CA10: variants seen among roughly 807,000 people sequenced by gnomAD.
The protein encoded by CA10 is carbonic anhydrase 10 (inactive).
In CA10, 14 loss-of-function variants were observed where a neutral mutation model predicts 44.2. That is an observed-to-expected ratio of 0.32 (90% CI 0.21 to 0.50). CA10 has a LOEUF of 0.50. Ranked by LOEUF, CA10 falls within the 20% of genes least tolerant of loss-of-function variation. The probability of loss-of-function intolerance (pLI) is 0.99; values close to 1 mark genes in which losing one functional copy is unlikely to be tolerated. For missense variants in CA10, 350 were observed against 409.7 expected (o/e 0.85, Z 1.26); for synonymous variants, 159 against 141.6 (o/e 1.12, Z -0.87).
chr17:52,157,185 A>T (rs1380649269), intron 1 of CA10, among the ~76,000 whole-genome samples: 1 of 152,182 alleles, frequency 6.6e-6, no homozygotes, highest in Non-Finnish European at 1.5e-5. Context: ...AGGGTGTGTC[A>T]GCAGGTTTCA....
chr17:51,814,772 A>G (rs568618474), intron 3 of CA10, among the ~76,000 whole-genome samples: 1 of 152,204 alleles, frequency 6.6e-6, no homozygotes, highest in South Asian at 2.1e-4. Flanking sequence ...AAATTTAACA[A>G]CCTTTTTTGT....
At position 51,630,774 on chromosome 17, in the gene CA10, TAACTCGTTA is replaced by T. The variant is rs1912534353; in HGVS notation, c.*801_*809del. On this transcript the variant is annotated 3_prime_UTR_variant, in exon 9 of 9. Coordinates refer to ENST00000451037, the MANE Select transcript of CA10 (RefSeq NM_020178.5). The stretch of plus-strand genomic sequence containing the variant: ...CAGACCAAAGCCAGAAAAATGAAAT[TAACTCGTTA>T]AACACATTTATTGAGCTGGTAACAA... 2 of 152,612 alleles carry T rather than the reference TAACTCGTTA, an allele frequency of 1.3e-5. No homozygotes were observed. The highest frequency in any genetic ancestry group is 4.1e-4 in the South Asian group (2 of 4,820). The allele number at this position is 152,612 out of a possible 1,614,324, so 9.5% of individuals were successfully genotyped here. A position where few individuals can be genotyped will look rare whatever the true frequency, so the allele number is the denominator to read the frequency against.
At chr17:51,908,418 T>C (rs1981652068) in intron 3 of CA10, among the ~76,000 whole-genome samples, 1 of 152,132 alleles carries the variant, frequency 6.6e-6, no homozygotes, top group East Asian at 1.9e-4. Flanking sequence ...TTTAACAAAT[T>C]TTGAGTGTGT....
At chr17:51,645,367 G>C (rs1302348405) in intron 6 of CA10, among the ~76,000 whole-genome samples, 5 of 152,150 alleles carry the variant, frequency 3.3e-5, no homozygotes, top group African/African-American at 1.2e-4. Flanking sequence ...ACCCCCTCTA[G>C]AATTAATCTC....
chr17:51,875,631 AC>A (rs1250913889), intron 3 of CA10, among the ~76,000 whole-genome samples: 1 of 152,046 alleles, frequency 6.6e-6, no homozygotes, highest in Non-Finnish European at 1.5e-5. Context: ...TTGTGTTTTT[AC>A]TTATTTTTAA....
At chr17:51,828,306 G>A (rs1908106827) in intron 3 of CA10, among the ~76,000 whole-genome samples, 1 of 152,080 alleles carries the variant, frequency 6.6e-6, no homozygotes, top group African/African-American at 2.4e-5. Flanking sequence ...TCTTCTCTCT[G>A]AAGTCTCCCA....
chr17:51,688,755 C>A (rs1410673611), intron 4 of CA10, among the ~76,000 whole-genome samples: 1 of 152,154 alleles, frequency 6.6e-6, no homozygotes, highest in East Asian at 1.9e-4. Flanking sequence ...TGATGCCCTT[C>A]TTGACCTTAG....
At chr17:51,856,079 G>A (rs571476569) in intron 3 of CA10, among the ~76,000 whole-genome samples, 4 of 152,294 alleles carry the variant, frequency 2.6e-5, no homozygotes, top group South Asian at 2.1e-4. Context: ...GCTGAAGAGG[G>A]TATTAGGAAA....
intron 3 of CA10, among the ~76,000 whole-genome samples, chr17:51,824,285 T>C (rs1212212686): frequency 1.3e-5 from 2 of 152,190 alleles, no homozygotes; most frequent in Non-Finnish European, 2.9e-5. Context: ...GATTTAAGCT[T>C]GTGCCAGATG....
At chr17:52,025,716 T>C (rs2144162307) in intron 2 of CA10, among the ~76,000 whole-genome samples, 1 of 152,168 alleles carries the variant, frequency 6.6e-6, no homozygotes, top group South Asian at 2.1e-4. Flanking sequence ...CTTAAGATAT[T>C]TTTGATTGTA....
At chr17:52,089,888 G>T (rs1008488405) in intron 1 of CA10, among the ~76,000 whole-genome samples, 4 of 152,018 alleles carry the variant, frequency 2.6e-5, no homozygotes, top group African/African-American at 9.7e-5. Context: ...AATTTGGAAA[G>T]GATACACAGA....
At chr17:51,767,521 A>G (rs919873326) in intron 3 of CA10, among the ~76,000 whole-genome samples, 27 of 152,096 alleles carry the variant, frequency 1.8e-4, no homozygotes, top group Admixed American at 6.6e-5. Context: ...TATCAACTAA[A>G]CCAGTGATCC....
At chr17:51,648,452 C>T (rs1913426483) in intron 6 of CA10, among the ~76,000 whole-genome samples, 1 of 152,188 alleles carries the variant, frequency 6.6e-6, no homozygotes, top group African/African-American at 2.4e-5. Context: ...ACTTGAATCC[C>T]AGTATCCTAC....
At chr17:52,112,851 A>G (rs1988815041) in intron 1 of CA10, among the ~76,000 whole-genome samples, 1 of 152,132 alleles carries the variant, frequency 6.6e-6, no homozygotes, top group African/African-American at 2.4e-5. Context: ...ATAAGTTTGG[A>G]ATGTCTCTCC....
At chr17:52,081,140 A>C (rs1987964972) in intron 1 of CA10, among the ~76,000 whole-genome samples, 1 of 152,182 alleles carries the variant, frequency 6.6e-6, no homozygotes, top group Non-Finnish European at 1.5e-5. Flanking sequence ...CAAATATATA[A>C]GAAAAATTGG....
intron 4 of CA10, among the ~76,000 whole-genome samples, chr17:51,709,479 G>T (rs1567812004): frequency 1.3e-5 from 2 of 152,158 alleles, no homozygotes; most frequent in Admixed American, 6.5e-5. Flanking sequence ...GATTTAAAGT[G>T]ATGACTCACA....
chr17:52,057,266 A>G (rs1987254844), intron 2 of CA10, among the ~76,000 whole-genome samples: 1 of 151,908 alleles, frequency 6.6e-6, no homozygotes, highest in African/African-American at 2.4e-5. Context: ...TTCCCCATCT[A>G]TCTACCTCTT....
Position 51,631,314 on chromosome 17 carries a change from G to T in CA10, c.*270C>A. 1 of 405,106 alleles carries T rather than the reference G, an allele frequency of 2.5e-6. No individual in the cohort carries two copies. The highest frequency in any genetic ancestry group is 2.1e-5 in the African/African-American group (1 of 48,532). 25.1% of individuals were successfully genotyped at this position (405,106 alleles called of 1,614,324 possible). A position where few individuals can be genotyped will look rare whatever the true frequency, so the allele number is the denominator to read the frequency against. ...TTCTGAAACTTGACTTCCCATGATG[G>T]AGGTTGTAAGAGTGTGTGTGTGTGT... On this transcript the variant is annotated 3_prime_UTR_variant, in exon 9 of 9. Transcript: ENST00000451037.
At chr17:51,933,304 T>A (rs1412957373) in intron 2 of CA10, among the ~76,000 whole-genome samples, 2 of 152,066 alleles carry the variant, frequency 1.3e-5, no homozygotes, top group Non-Finnish European at 2.9e-5. Context: ...ATCACAGAAG[T>A]CTTTATAAGA....
Sources: gnomAD v4.1 joint callset for allele counts (sites outside exome capture counted in the v4.1 genomes callset) on GRCh38, gnomAD v4.1.1 for gene constraint, MANE v1.5 for transcripts, NCBI Gene and HGNC (gene_info 2026-07-23, HGNC 2026-07-21) for gene names.